The following TBCK variants were observed in gnomAD, a reference collection of about 807,000 sequenced individuals.
The protein encoded by TBCK is TBC domain-containing protein kinase-like protein.
Under a neutral mutation model 113.4 loss-of-function variants are expected in TBCK, and 99 were observed. That is an observed-to-expected ratio of 0.87 (90% CI 0.74 to 1.03). The LOEUF is 1.03. Among genes scored for constraint, TBCK ranks in the 50% least tolerant of loss-of-function variants. The probability of loss-of-function intolerance (pLI) is 0.00; values close to 1 mark genes in which losing one functional copy is unlikely to be tolerated. For synonymous variants in TBCK, 369 were observed against 370.8 expected (o/e 1.00, Z 0.05); for missense variants, 1,045 against 1,061.3 (o/e 0.98, Z 0.21).
intron 7 of TBCK, among the ~76,000 whole-genome samples, chr4:106,249,974 G>A (rs13106209): frequency 0.23 from 35,144 of 151,780 alleles, 4,943 homozygotes; most frequent in East Asian, 0.38. Flanking sequence ...ATACATGTTT[G>A]GATCCACATA....
intron 2 of TBCK, among the ~76,000 whole-genome samples, chr4:106,300,889 C>T (rs1263504344): frequency 6.6e-6 from 1 of 152,030 alleles, no homozygotes; most frequent in Non-Finnish European, 1.5e-5. Context: ...TCACTTTAAG[C>T]CAGGAGTTCA....
At chr4:106,157,104 T>C (rs1248459861) in intron 23 of TBCK, among the ~76,000 whole-genome samples, 1 of 152,126 alleles carries the variant, frequency 6.6e-6, no homozygotes, top group African/African-American at 2.4e-5. Flanking sequence ...AGGCAGCAGG[T>C]TCCCTTCTGG....
intron 20 of TBCK, among the ~76,000 whole-genome samples, chr4:106,200,256 C>A (rs933061115): frequency 6.6e-6 from 1 of 152,180 alleles, no homozygotes; most frequent in Non-Finnish European, 1.5e-5. Flanking sequence ...TTTCAAAATT[C>A]ATGGCCAGGT....
intron 1 of TBCK, among the ~76,000 whole-genome samples, chr4:106,311,314 T>C (rs1298568049): frequency 2.0e-5 from 3 of 151,516 alleles, no homozygotes; most frequent in African/African-American, 7.3e-5. Context: ...CTGGAGACAA[T>C]TTAAATGTCC....
intron 23 of TBCK, among the ~76,000 whole-genome samples, chr4:106,134,463 G>A (rs1381712248): frequency 6.6e-6 from 1 of 152,204 alleles, no homozygotes; most frequent in African/African-American, 2.4e-5. Flanking sequence ...AGGACTAACT[G>A]AGAAGGGACA....
intron 25 of TBCK, among the ~76,000 whole-genome samples, chr4:106,085,540 A>G (rs1156694760): frequency 6.6e-6 from 1 of 152,216 alleles, no homozygotes; most frequent in Non-Finnish European, 1.5e-5. Context: ...CCCCACTGTC[A>G]GTATTAGATC....
chr4:106,205,844 G>A (rs956151342), intron 20 of TBCK, among the ~76,000 whole-genome samples: 5 of 151,444 alleles, frequency 3.3e-5, no homozygotes, highest in African/African-American at 7.3e-5. Context: ...AACTATTAAC[G>A]TGTCTGTGTG....
chr4:106,257,809 T>C (rs1396292658), intron 5 of TBCK, among the ~76,000 whole-genome samples: 5 of 152,048 alleles, frequency 3.3e-5, no homozygotes, highest in African/African-American at 1.2e-4. Context: ...AACTGGAATA[T>C]TACTGCCTAC....
At position 106,244,049 on chromosome 4, in the gene TBCK, A is replaced by G. The variant is rs527996372; in HGVS notation, c.1070+577T>C. 4.6e-5 allele frequency among the ~76,000 whole-genome samples: 7 copies of G among 152,296 alleles called. No homozygotes were observed. The East Asian group carries it at 9.7e-4, about 21-fold the overall frequency. On this transcript the variant is annotated intron_variant, in intron 11 of 25. Transcript: ENST00000394708. ...AATTTAGGTTCATATTTTTATGAATAAACATGAATAGCAATGTTAATAACA... is the reference window on the plus strand; with the variant it reads ...AATTTAGGTTCATATTTTTATGAATGAACATGAATAGCAATGTTAATAACA...
At chr4:106,109,702 A>G (rs1742595681) in intron 24 of TBCK, among the ~76,000 whole-genome samples, 1 of 152,188 alleles carries the variant, frequency 6.6e-6, no homozygotes, top group South Asian at 2.1e-4. Flanking sequence ...ATACCATCCT[A>G]AACCTAGGAA....
chr4:106,306,580 T>C lies in TBCK; in HGVS notation c.193+2188A>G, dbSNP rs181729497. Among the ~76,000 whole-genome samples the C allele has an allele frequency of 4.7e-4, 72 of 151,764 alleles. 1 individual carries two copies. The highest frequency in any genetic ancestry group is 3.9e-3 in the Admixed American group (60 of 15,256). Reference sequence around the variant, plus strand: ...TACTCATTTTTGTATATTTGGCATCTAGCAGAAGGAGGGCCATAGTATCAG... The same window carrying C: ...TACTCATTTTTGTATATTTGGCATCCAGCAGAAGGAGGGCCATAGTATCAG... On this transcript the variant is annotated intron_variant, in intron 2 of 25. Coordinates refer to ENST00000394708, the MANE Select transcript of TBCK (RefSeq NM_001163435.3).
intron 25 of TBCK, among the ~76,000 whole-genome samples, chr4:106,072,898 A>AGCTTGTGCATGTGTCACATAGC (rs1737651991): frequency 6.6e-6 from 1 of 152,222 alleles, no homozygotes; most frequent in African/African-American, 2.4e-5. Context: ...CAGCTACTGA[A>AGCTTGTGCATGTGTCACATAGC]GCTTGTGCAT....
intron 23 of TBCK, among the ~76,000 whole-genome samples, chr4:106,149,247 C>T (rs752866397): frequency 1.3e-5 from 2 of 152,202 alleles, no homozygotes; most frequent in Non-Finnish European, 2.9e-5. Flanking sequence ...GCTTTCTTAT[C>T]ATCTGTTGTT....
intron 6 of TBCK, among the ~76,000 whole-genome samples, 163 bp downstream of exon 6, chr4:106,251,701 AAT>A (rs1463758496): frequency 6.6e-6 from 1 of 152,026 alleles, no homozygotes; most frequent in African/African-American, 2.4e-5. Context: ...GATGCCAAAA[AAT>A]ATGTGAAATT....
At chr4:106,297,548 C>T (rs1766438792) in intron 2 of TBCK, among the ~76,000 whole-genome samples, 1 of 152,098 alleles carries the variant, frequency 6.6e-6, no homozygotes, top group South Asian at 2.1e-4. Context: ...CACATTAATT[C>T]CTATTTCTTT....
At position 106,137,188 on chromosome 4, in the gene TBCK, T is replaced by C. The variant is rs186861217; in HGVS notation, c.2236-20810A>G. Among the ~76,000 whole-genome samples the C allele has an allele frequency of 9.3e-5, 13 of 139,758 alleles. 1 individual carries two copies. Among genetic ancestry groups the C allele is most frequent in the South Asian group, 2.5e-4 (1 of 4,036 alleles). The allele number at this position is 139,758 out of a possible 152,430, so 91.7% of individuals were successfully genotyped here. ...ATTCTTGGAATGATCAGCATAGAAA[T>C]TGCAGTTTAGGTTATGAGAAAGGAT... On this transcript the variant is annotated intron_variant, in intron 23 of 25. Coordinates refer to ENST00000394708, the MANE Select transcript of TBCK (RefSeq NM_001163435.3).
intron 24 of TBCK, among the ~76,000 whole-genome samples, chr4:106,098,645 G>A (rs1741208502): frequency 6.6e-6 from 1 of 152,046 alleles, no homozygotes; most frequent in African/African-American, 2.4e-5. Flanking sequence ...TAATAGTTAT[G>A]AAAGCATAAA....
chr4:106,139,217 T>C lies in TBCK; in HGVS notation c.2236-22839A>G, dbSNP rs1746904800. On this transcript the variant is annotated intron_variant, in intron 23 of 25. Transcript: ENST00000394708. ...AAAATACTCTCTGGCCAGACACTTATTCCCTGAGGAAGAAAGTCTGGAGAT... is the reference window on the plus strand; with the variant it reads ...AAAATACTCTCTGGCCAGACACTTACTCCCTGAGGAAGAAAGTCTGGAGAT... Among the ~76,000 whole-genome samples the C allele has an allele frequency of 1.4e-5, 2 of 140,592 alleles. 1 individual carries two copies. The highest frequency in any genetic ancestry group is 4.9e-4 in the South Asian group (2 of 4,052). 92.2% of individuals were successfully genotyped at this position (140,592 alleles called of 152,430 possible).
chr4:106,131,003 C>T (rs993998171), intron 23 of TBCK, among the ~76,000 whole-genome samples: 2 of 152,086 alleles, frequency 1.3e-5, no homozygotes, highest in African/African-American at 4.8e-5. Flanking sequence ...TGGGTCCCCC[C>T]CAAATCTCAC....
Sources: gnomAD v4.1 joint callset for allele counts (sites outside exome capture counted in the v4.1 genomes callset) on GRCh38, gnomAD v4.1.1 for gene constraint, MANE v1.5 for transcripts, NCBI Gene and HGNC (gene_info 2026-07-23, HGNC 2026-07-21) for gene names.